MYT1L: variants seen among roughly 807,000 people sequenced by gnomAD.
MYT1L encodes myelin transcription factor 1-like protein.
A neutral mutation model predicts 126.7 loss-of-function variants in MYT1L; 12 were observed. The ratio of observed to expected loss-of-function variants is 0.09; its 90% CI spans 0.06 to 0.15. The LOEUF (loss-of-function observed/expected upper bound fraction) is 0.15, where lower values mean the gene tolerates loss of function less well. Ranked by LOEUF, MYT1L falls within the 10% of genes least tolerant of loss-of-function variation. MYT1L has a pLI of 1.00. For synonymous variants in MYT1L, 541 were observed against 604.2 expected (o/e 0.90, Z 1.53); for missense variants, 979 against 1,585.2 (o/e 0.62, Z 6.49).
At position 1,995,693 on chromosome 2, in the gene MYT1L, C is replaced by T. The variant is rs184251834; in HGVS notation, c.-1+1498G>A. On this transcript the variant is annotated intron_variant, in intron 5 of 24. Coordinates refer to ENST00000647738, the MANE Select transcript of MYT1L (RefSeq NM_001303052.2). The stretch of plus-strand genomic sequence containing the variant: ...GGGTTCGAAGCACAGACCCTTTGTT[C>T]CCGGGTGATGGGCGTGGGACCAGCT... Among the ~76,000 whole-genome samples the T allele has an allele frequency of 5.4e-3, 815 of 152,204 alleles. 7 individuals carry two copies. Among genetic ancestry groups the T allele is most frequent in the African/African-American group, 0.019 (783 of 41,548 alleles).
intron 3 of MYT1L, among the ~76,000 whole-genome samples, chr2:2,070,309 G>T (rs2074442028): frequency 6.6e-6 from 1 of 152,054 alleles, no homozygotes; most frequent in Non-Finnish European, 1.5e-5. Flanking sequence ...CCTGCCATTT[G>T]TCTATCCATC....
chr2:2,287,880 A>T (rs2095545839), intron 1 of MYT1L, among the ~76,000 whole-genome samples: 1 of 152,240 alleles, frequency 6.6e-6, no homozygotes, highest in Non-Finnish European at 1.5e-5. Flanking sequence ...TCTACAGCTC[A>T]GTTTGAAATT....
chr2:2,281,722 A>T (rs1231711024), intron 2 of MYT1L, among the ~76,000 whole-genome samples: 2 of 152,226 alleles, frequency 1.3e-5, no homozygotes, highest in Admixed American at 1.3e-4. Flanking sequence ...GATCATTAAA[A>T]TACATCCATT....
chr2:2,275,886 C>G (rs1388029526), intron 2 of MYT1L, among the ~76,000 whole-genome samples: 4 of 152,208 alleles, frequency 2.6e-5, no homozygotes. Flanking sequence ...AAGTCCCAGC[C>G]AACCTCCTCT....
intron 4 of MYT1L, among the ~76,000 whole-genome samples, chr2:2,024,091 AT>A (rs886450962): frequency 6.6e-6 from 1 of 152,164 alleles, no homozygotes; most frequent in Non-Finnish European, 1.5e-5. Context: ...TAATTCTGAA[AT>A]TTTTTATCTT....
At chr2:2,205,671 T>C (rs929367187) in intron 2 of MYT1L, among the ~76,000 whole-genome samples, 1 of 152,184 alleles carries the variant, frequency 6.6e-6, no homozygotes, top group African/African-American at 2.4e-5. Context: ...TGTCTAGAAC[T>C]TGCAAATGCC....
chr2:1,904,630 C>A (rs1372542036), intron 13 of MYT1L, among the ~76,000 whole-genome samples: 1 of 151,782 alleles, frequency 6.6e-6, no homozygotes, highest in African/African-American at 2.4e-5. Context: ...CTTGGCCTCC[C>A]AAAGTCCTGG....
intron 21 of MYT1L, among the ~76,000 whole-genome samples, chr2:1,832,840 C>T (rs1019925215): frequency 1.3e-5 from 2 of 152,204 alleles, no homozygotes; most frequent in South Asian, 2.1e-4. Context: ...TGTTGCTGAT[C>T]GCTGGCCTGG....
intron 2 of MYT1L, among the ~76,000 whole-genome samples, chr2:2,251,901 A>T (rs546607651): frequency 6.6e-6 from 1 of 152,064 alleles, no homozygotes; most frequent in East Asian, 1.9e-4. Context: ...GAAAAGAAAG[A>T]AAGAAAAGAA....
intron 8 of MYT1L, among the ~76,000 whole-genome samples, chr2:1,975,787 C>G (rs1236848546): frequency 1.3e-5 from 2 of 152,178 alleles, no homozygotes; most frequent in Admixed American, 1.3e-4. Flanking sequence ...TCACTTGAAC[C>G]TGGGAGACAG....
At chr2:2,141,104 T>C (rs900646208) in intron 3 of MYT1L, among the ~76,000 whole-genome samples, 71 of 152,194 alleles carry the variant, frequency 4.7e-4, no homozygotes, top group Admixed American at 2.0e-4. Flanking sequence ...GTATGGATGG[T>C]ATGAAAATCA....
intron 3 of MYT1L, among the ~76,000 whole-genome samples, chr2:2,104,305 TTGA>T (rs1291830731): frequency 1.3e-5 from 2 of 152,164 alleles, no homozygotes; most frequent in African/African-American, 4.8e-5. Context: ...TTAATCTCAA[TTGA>T]TGATGATAAG....
chr2:2,270,103 G>A (rs2149336155), intron 2 of MYT1L, among the ~76,000 whole-genome samples: 1 of 152,332 alleles, frequency 6.6e-6, no homozygotes, highest in South Asian at 2.1e-4. Context: ...GTCCTTTTAA[G>A]AAGGAAGAGA....
intron 2 of MYT1L, among the ~76,000 whole-genome samples, chr2:2,268,716 C>T (rs1404204916): frequency 1.3e-5 from 2 of 152,092 alleles, no homozygotes; most frequent in East Asian, 1.9e-4. Context: ...TGTGTGTTTT[C>T]GGCTTGAAGA....
At position 1,967,640 on chromosome 2, in the gene MYT1L, G is replaced by A. The variant is rs112912128; in HGVS notation, c.152+11525C>T. On this transcript the variant is annotated intron_variant, in intron 8 of 24. Transcript: ENST00000647738. ...GCACCTTATTCTAATAATGTGATGA[G>A]TGCCTTCTGCGCAGCTGCAGCAGGG... is the stretch of plus-strand genomic sequence containing the variant. Among the ~76,000 whole-genome samples the A allele has an allele frequency of 1.3e-3, 197 of 152,348 alleles. 1 individual carries two copies. Among genetic ancestry groups the A allele is most frequent in the African/African-American group, 4.6e-3 (192 of 41,590 alleles).
At chr2:2,261,207 T>A (rs1260419855) in intron 2 of MYT1L, among the ~76,000 whole-genome samples, 2 of 152,120 alleles carry the variant, frequency 1.3e-5, no homozygotes, top group Admixed American at 6.6e-5. Flanking sequence ...AATCTCCAAC[T>A]TTTTTGTTTC....
At chr2:1,980,824 T>C (rs552894467) in intron 5 of MYT1L, among the ~76,000 whole-genome samples, 1 of 151,916 alleles carries the variant, frequency 6.6e-6, no homozygotes, top group Non-Finnish European at 1.5e-5. Context: ...ATTCCCACAG[T>C]ATGGGAAGTG....
intron 2 of MYT1L, among the ~76,000 whole-genome samples, chr2:2,184,062 AAG>A (rs2091860138): frequency 1.3e-5 from 2 of 150,972 alleles, no homozygotes; most frequent in African/African-American, 2.4e-5. Flanking sequence ...AGAAAGAAAA[AAG>A]GGGAGAGAGA....
chr2:2,078,942 A>C (rs1486161219), intron 3 of MYT1L, among the ~76,000 whole-genome samples: 1 of 152,134 alleles, frequency 6.6e-6, no homozygotes, highest in Admixed American at 6.5e-5. Flanking sequence ...GGTCCTTGGA[A>C]GGTGATTAGG....
Sources: gnomAD v4.1 joint callset for allele counts (sites outside exome capture counted in the v4.1 genomes callset) on GRCh38, gnomAD v4.1.1 for gene constraint, MANE v1.5 for transcripts, NCBI Gene and HGNC (gene_info 2026-07-23, HGNC 2026-07-21) for gene names.